ABTB3: variants seen among roughly 807,000 people sequenced by gnomAD.
ABTB3 encodes the protein ankyrin repeat- and BTB/POZ domain-containing protein 3.
chr12:107,500,003 C>T, the ABTB3 span, among the ~76,000 whole-genome samples: 1 of 152,038 alleles, frequency 6.6e-6, no homozygotes, highest in Admixed American at 6.6e-5. Context: ...ACTTTTAAAC[C>T]ATCAGATTTC....
At chr12:107,477,138 G>C in the ABTB3 span, among the ~76,000 whole-genome samples, 2 of 152,062 alleles carry the variant, frequency 1.3e-5, no homozygotes, top group Non-Finnish European at 2.9e-5. Flanking sequence ...TCAAGGCATT[G>C]GTGCGCATGC....
At chr12:107,471,501 A>G in the ABTB3 span, among the ~76,000 whole-genome samples, 1 of 152,222 alleles carries the variant, frequency 6.6e-6, no homozygotes, top group African/African-American at 2.4e-5. Flanking sequence ...ATAACAGCTT[A>G]TAGGTATTGA....
At chr12:107,404,291 TTCTATTCTAATGATCCATGTCCCA>T in the ABTB3 span, among the ~76,000 whole-genome samples, 4 of 151,780 alleles carry the variant, frequency 2.6e-5, no homozygotes, top group Non-Finnish European at 4.4e-5. Flanking sequence ...AGCAACCAGA[TTCTATTCTAATGATCCATGTCCCA>T]TCTGCTGGAA....
the ABTB3 span, among the ~76,000 whole-genome samples, chr12:107,574,275 G>C: frequency 1.3e-5 from 2 of 152,148 alleles, no homozygotes; most frequent in Non-Finnish European, 2.9e-5. Context: ...TTGTCTCCTG[G>C]ACCTGTGACC....
the ABTB3 span, among the ~76,000 whole-genome samples, chr12:107,469,946 T>C: frequency 0.071 from 2,543 of 35,918 alleles, 194 homozygotes; most frequent in African/African-American, 0.13. Flanking sequence ...TTCTTTCTCT[T>C]TCTTTCTTTC....
the ABTB3 span, chr12:107,319,488 T>C: frequency 1.3e-6 from 2 of 1,595,296 alleles, no homozygotes; most frequent in Non-Finnish European, 1.7e-6. Context: ...GCGGCTGCGC[T>C]GGCCGCACTG....
At chr12:107,510,526 T>C in the ABTB3 span, among the ~76,000 whole-genome samples, 1 of 152,090 alleles carries the variant, frequency 6.6e-6, no homozygotes, top group Non-Finnish European at 1.5e-5. Flanking sequence ...TAATATAGTA[T>C]AACACAGTGG....
the ABTB3 span, among the ~76,000 whole-genome samples, chr12:107,511,198 G>C: frequency 1.4e-4 from 21 of 152,136 alleles, no homozygotes; most frequent in Admixed American, 1.4e-3. Context: ...GGAATTGCCT[G>C]GAACAACTAA....
chr12:107,439,126 T>C, the ABTB3 span, among the ~76,000 whole-genome samples: 3 of 150,800 alleles, frequency 2.0e-5, no homozygotes, highest in Non-Finnish European at 4.4e-5. Context: ...CCCACACACA[T>C]GAAGTGCTAA....
the ABTB3 span, chr12:107,635,187 T>G: frequency 1.9e-6 from 2 of 1,033,072 alleles, no homozygotes; most frequent in Non-Finnish European, 2.9e-6. Flanking sequence ...AGTAAATGTG[T>G]GAGCTCTTAT....
chr12:107,601,100 A>C, the ABTB3 span, among the ~76,000 whole-genome samples: 2 of 152,226 alleles, frequency 1.3e-5, no homozygotes, highest in Non-Finnish European at 2.9e-5. Context: ...AAGTGGTTCA[A>C]AAGAATTATC....
the ABTB3 span, among the ~76,000 whole-genome samples, chr12:107,482,912 T>TC: frequency 2.0e-5 from 3 of 148,170 alleles, no homozygotes; most frequent in African/African-American, 7.5e-5. Flanking sequence ...CTCTCTTTCT[T>TC]CTTCTTTCTT....
the ABTB3 span, among the ~76,000 whole-genome samples, chr12:107,509,994 G>A: frequency 1.3e-5 from 2 of 152,130 alleles, no homozygotes; most frequent in African/African-American, 2.4e-5. Flanking sequence ...TCCCATTATA[G>A]CCTCCCAGCC....
the ABTB3 span, among the ~76,000 whole-genome samples, chr12:107,516,512 G>C: frequency 6.6e-6 from 1 of 152,132 alleles, no homozygotes; most frequent in Non-Finnish European, 1.5e-5. Context: ...GATTACAGGC[G>C]TGAGACACCA....
At chr12:107,608,903 A>AAAAT in the ABTB3 span, among the ~76,000 whole-genome samples, 6 of 89,808 alleles carry the variant, frequency 6.7e-5, no homozygotes, top group African/African-American at 2.4e-4. Flanking sequence ...TAAATAAAAT[A>AAAAT]AAATAAAATA....
At chr12:107,639,277 G>A in the ABTB3 span, among the ~76,000 whole-genome samples, 1 of 152,206 alleles carries the variant, frequency 6.6e-6, no homozygotes, top group Non-Finnish European at 1.5e-5. Context: ...AGTCACAAGT[G>A]GCCTCATTAA....
the ABTB3 span, chr12:107,617,293 G>A: frequency 6.2e-7 from 1 of 1,614,130 alleles, no homozygotes; most frequent in Non-Finnish European, 8.5e-7. Flanking sequence ...CCTTCTCTGG[G>A]CTTGCAGGAA....
the ABTB3 span, chr12:107,612,927 C>T: frequency 6.6e-7 from 1 of 1,509,628 alleles, no homozygotes; most frequent in Non-Finnish European, 9.1e-7. Flanking sequence ...GGAAAGCGAG[C>T]AAGAAAGGGG....
At chr12:107,338,819 C>A in the ABTB3 span, among the ~76,000 whole-genome samples, 1 of 152,160 alleles carries the variant, frequency 6.6e-6, no homozygotes, top group Non-Finnish European at 1.5e-5. Flanking sequence ...AATTAATTAA[C>A]AAATTAATTT....
Sources: gnomAD v4.1 joint callset for allele counts (sites outside exome capture counted in the v4.1 genomes callset) on GRCh38, gnomAD v4.1.1 for gene constraint, MANE v1.5 for transcripts, NCBI Gene and HGNC (gene_info 2026-07-23, HGNC 2026-07-21) for gene names.